Variants in CPE observed in about 807,000 individuals in gnomAD.
CPE encodes carboxypeptidase E, also known as carbocypeptidase E.
In CPE, 17 loss-of-function variants were observed where a neutral mutation model predicts 53.5. That is an observed-to-expected ratio of 0.32 (90% CI 0.22 to 0.48). The LOEUF (loss-of-function observed/expected upper bound fraction) is 0.48, where lower values mean the gene tolerates loss of function less well. Among genes scored for constraint, CPE ranks in the 20% least tolerant of loss-of-function variants. CPE has a pLI of 0.99. For missense variants in CPE, 524 were observed against 614.7 expected, an observed-to-expected ratio of 0.85 and a Z score of 1.56; for synonymous variants, 226 against 228.8, an observed-to-expected ratio of 0.99 and a Z score of 0.11.
intron 1 of CPE, among the ~76,000 whole-genome samples, chr4:165,424,873 TA>T (rs1355576270): frequency 4.8e-5 from 7 of 146,234 alleles, no homozygotes; most frequent in African/African-American, 1.8e-4. Flanking sequence ...ATTTAAAAAG[TA>T]GAAACTTTTT....
At chr4:165,394,445 G>T (rs1730732204) in intron 1 of CPE, among the ~76,000 whole-genome samples, 1 of 152,186 alleles carries the variant, frequency 6.6e-6, no homozygotes, top group African/African-American at 2.4e-5. Flanking sequence ...ACCATTGGGA[G>T]TGGGCCTCTG....
rs1260024345 is a variant in CPE at position 165,440,451 on chromosome 4, CCCA to C, written c.308-23936_308-23934del. ...TAGCTGCTGCTGCTGCTCTCACAAC[CCCA>C]CCCCCCCCCACACACACAAGCTGTG... is the stretch of plus-strand genomic sequence containing the variant. On this transcript the variant is annotated intron_variant, in intron 1 of 8. Transcript: ENST00000402744. Among the ~76,000 whole-genome samples the C allele has an allele frequency of 1.2e-4, 16 of 138,242 alleles. 1 individual carries two copies. Among genetic ancestry groups the C allele is most frequent in the Non-Finnish European group, 2.0e-4 (13 of 65,964 alleles). 90.7% of individuals were successfully genotyped at this position (138,242 alleles called of 152,430 possible). A position where few individuals can be genotyped will look rare whatever the true frequency, so the allele number is the denominator to read the frequency against.
chr4:165,409,981 C>T (rs531037260), intron 1 of CPE, among the ~76,000 whole-genome samples: 137 of 152,252 alleles, frequency 9.0e-4, no homozygotes, highest in African/African-American at 3.0e-3. Flanking sequence ...GGTGCAGTGG[C>T]TCATGCCTGT....
chr4:165,404,059 G>T lies in CPE; in HGVS notation c.307+24531G>T, dbSNP rs1730914480. ...GTGCACTGACTGAGTGAGGCATGAG[G>T]CCTGCTCACTGATGAAACTTCTTGT... On this transcript the variant is annotated intron_variant, in intron 1 of 8. Transcript: ENST00000402744. The T allele has an allele frequency of 1.1e-5, 10 of 946,916 alleles. No individual in the cohort carries two copies. The Admixed American group carries it at 1.6e-4, about 15-fold the overall frequency. 58.7% of individuals were successfully genotyped at this position (946,916 alleles called of 1,614,324 possible).
intron 2 of CPE, among the ~76,000 whole-genome samples, chr4:165,466,065 A>G (rs1051309151): frequency 3.3e-5 from 5 of 152,188 alleles, no homozygotes; most frequent in African/African-American, 4.8e-5. Flanking sequence ...ATAATGGGGA[A>G]GCATTCTGAG....
intron 1 of CPE, among the ~76,000 whole-genome samples, chr4:165,464,143 T>C (rs938954327): frequency 2.6e-5 from 4 of 152,192 alleles, no homozygotes; most frequent in Admixed American, 6.5e-5. Flanking sequence ...TACAGTCACA[T>C]TGGATGTTAG....
Position 165,497,699 on chromosome 4 carries a change from C to T in CPE, c.*89C>T. On this transcript the variant is annotated 3_prime_UTR_variant, in exon 9 of 9. Transcript: ENST00000402744. ...TTTTTTAGATTTTGTGCAGTTAATA[C>T]TTAACATTGATTTATTTTTTAATCA... 1 of 536,454 alleles carries T rather than the reference C, an allele frequency of 1.9e-6. No homozygotes were observed. The highest frequency in any genetic ancestry group is 3.0e-6 in the Non-Finnish European group (1 of 337,702). The allele number at this position is 536,454 out of a possible 1,614,324, so 33.2% of individuals were successfully genotyped here.
At chr4:165,478,071 GTT>G (rs1354730279) in intron 3 of CPE, among the ~76,000 whole-genome samples, 1 of 152,150 alleles carries the variant, frequency 6.6e-6, no homozygotes, top group African/African-American at 2.4e-5. Context: ...CATTTATTAA[GTT>G]TACCCTGACT....
At chr4:165,481,022 T>A (rs1308123645) in intron 3 of CPE, among the ~76,000 whole-genome samples, 124 of 146,454 alleles carry the variant, frequency 8.5e-4, no homozygotes, top group African/African-American at 2.9e-3. Flanking sequence ...ATATATTTTT[T>A]TTTTTTTTTT....
chr4:165,486,752 A>G (rs774469844), intron 5 of CPE, among the ~76,000 whole-genome samples: 8 of 152,094 alleles, frequency 5.3e-5, no homozygotes, highest in Non-Finnish European at 8.8e-5. Context: ...TAAAATGCAC[A>G]TTCCCCACAT....
At chr4:165,445,777 A>T (rs1370498619) in intron 1 of CPE, among the ~76,000 whole-genome samples, 1 of 152,136 alleles carries the variant, frequency 6.6e-6, no homozygotes, top group Non-Finnish European at 1.5e-5. Context: ...TTTTCGGTTC[A>T]TTTGAAATAA....
At chr4:165,438,979 T>G (rs902815157) in intron 1 of CPE, among the ~76,000 whole-genome samples, 2 of 152,196 alleles carry the variant, frequency 1.3e-5, no homozygotes, top group African/African-American at 4.8e-5. Flanking sequence ...GTGCAAAGCT[T>G]CATATCTGTC....
chr4:165,433,064 C>A (rs758874022), intron 1 of CPE, among the ~76,000 whole-genome samples: 9 of 152,138 alleles, frequency 5.9e-5, no homozygotes, highest in Non-Finnish European at 1.3e-4. Flanking sequence ...ACACTTCATC[C>A]CATAAAATAG....
intron 1 of CPE, among the ~76,000 whole-genome samples, chr4:165,407,636 C>T (rs1049531919): frequency 7.2e-5 from 11 of 151,994 alleles, no homozygotes; most frequent in African/African-American, 2.7e-4. Flanking sequence ...CAACCTCCAC[C>T]TCCGAGGTTC....
intron 1 of CPE, among the ~76,000 whole-genome samples, chr4:165,400,243 A>G (rs1730844097): frequency 6.6e-6 from 1 of 152,190 alleles, no homozygotes; most frequent in Admixed American, 6.5e-5. Context: ...GAATTTGAGG[A>G]CAGAGGAAAA....
Position 165,379,128 on chromosome 4 carries a change from C to T in CPE, c.-94C>T. On this transcript the variant is annotated 5_prime_UTR_variant, in exon 1 of 9. Coordinates refer to ENST00000402744, the MANE Select transcript of CPE (RefSeq NM_001873.4). The surrounding 1 kb of genome is among the most constrained non-coding windows in gnomAD (Gnocchi z 6.0). ...GTAGAGGCTGGTGCGGAACTTGCCG[C>T]CCCCAGCAGCGCCGGCGGGCTAAGC... 1 of 1,101,570 alleles carries T rather than the reference C, an allele frequency of 9.1e-7. No homozygotes were observed. Among genetic ancestry groups the T allele is most frequent in the Non-Finnish European group, 1.1e-6 (1 of 879,616 alleles). The allele number at this position is 1,101,570 out of a possible 1,614,324, so 68.2% of individuals were successfully genotyped here. A position where few individuals can be genotyped will look rare whatever the true frequency, so the allele number is the denominator to read the frequency against.
intron 1 of CPE, among the ~76,000 whole-genome samples, chr4:165,439,630 C>T (rs1456354278): frequency 2.0e-5 from 3 of 151,354 alleles, no homozygotes; most frequent in Non-Finnish European, 4.4e-5. Context: ...TCTCAGTTCT[C>T]AGTGTGACAG....
At chr4:165,492,744 C>T (rs889440959) in intron 6 of CPE, among the ~76,000 whole-genome samples, 2 of 152,180 alleles carry the variant, frequency 1.3e-5, no homozygotes, top group African/African-American at 4.8e-5. Context: ...CTATAGATAA[C>T]ATAACCGATT....
rs1264611120 is a variant in CPE, at chr4:165,406,044, C to A, written c.307+26516C>A. On this transcript the variant is annotated intron_variant, in intron 1 of 8. Transcript: ENST00000402744. ...GTGGCTAAAATGTTGATATCAGCAC[C>A]TACAATAAAGCAGCCTGGCTTTGGT... 1.6e-5 allele frequency: 12 copies of A among 758,594 alleles called. No homozygotes were observed. In the Admixed American group the frequency reaches 2.1e-4, roughly 13 times the overall value. The allele number at this position is 758,594 out of a possible 1,614,324, so 47.0% of individuals were successfully genotyped here.
Sources: allele counts gnomAD v4.1 joint callset (sites outside exome capture counted in the v4.1 genomes callset), GRCh38; gene constraint gnomAD v4.1.1; non-coding constraint Gnocchi (gnomAD v3.1); transcripts MANE v1.5; gene names NCBI Gene and HGNC (gene_info 2026-07-23, HGNC 2026-07-21).